The following DCC variants were observed in gnomAD, a reference collection of about 807,000 sequenced individuals.
DCC encodes the protein DCC netrin 1 receptor, also known as netrin receptor DCC.
DCC carries 58 observed loss-of-function variants against 172.5 expected under a neutral mutation model. That is an observed-to-expected ratio of 0.34 (90% CI 0.27 to 0.42). DCC has a LOEUF of 0.42. Ranked by LOEUF, DCC falls within the 10% of genes least tolerant of loss-of-function variation. The pLI is 1.00. For synonymous variants in DCC, 709 were observed against 644.5 expected (o/e 1.10, Z -1.52); for missense variants, 1,740 against 1,791.0 (o/e 0.97, Z 0.51).
At chr18:53,197,559 A>G (rs986415167) in intron 9 of DCC, among the ~76,000 whole-genome samples, 2 of 151,418 alleles carry the variant, frequency 1.3e-5, no homozygotes, top group Admixed American at 6.6e-5. Context: ...ACTAACATTT[A>G]TCTTCATTTT....
At chr18:52,977,840 A>G (rs1016607730) in intron 5 of DCC, among the ~76,000 whole-genome samples, 4 of 151,430 alleles carry the variant, frequency 2.6e-5, no homozygotes, top group African/African-American at 9.7e-5. Flanking sequence ...AGCCAAGATC[A>G]CACCACTGCA....
chr18:53,242,236 G>A (rs2056306023), intron 12 of DCC, among the ~76,000 whole-genome samples: 1 of 152,132 alleles, frequency 6.6e-6, no homozygotes, highest in Non-Finnish European at 1.5e-5. Context: ...GATTTAGAAA[G>A]TAAAGGAGAG....
chr18:53,261,517 G>A (rs1457226176), intron 12 of DCC, among the ~76,000 whole-genome samples: 1 of 152,068 alleles, frequency 6.6e-6, no homozygotes, highest in African/African-American at 2.4e-5. Flanking sequence ...AATCTGATAG[G>A]CTCACTGTTC....
intron 5 of DCC, among the ~76,000 whole-genome samples, chr18:53,046,221 C>A (rs963175930): frequency 2.6e-5 from 4 of 151,882 alleles, no homozygotes; most frequent in African/African-American, 7.2e-5. Flanking sequence ...GAAATACTGT[C>A]ATTTCTCAAT....
intron 15 of DCC, among the ~76,000 whole-genome samples, chr18:53,370,345 A>C (rs1230338786): frequency 6.6e-6 from 1 of 151,660 alleles, no homozygotes; most frequent in Non-Finnish European, 1.5e-5. Context: ...TATTTTTCTT[A>C]GTTCATCAAG....
At chr18:53,264,690 G>T (rs537704776) in intron 12 of DCC, among the ~76,000 whole-genome samples, 40 of 152,042 alleles carry the variant, frequency 2.6e-4, no homozygotes, top group Admixed American at 7.2e-4. Context: ...CAGACCTGCT[G>T]CTCAGCGTTT....
At chr18:53,106,024 G>C (rs907754073) in intron 7 of DCC, among the ~76,000 whole-genome samples, 1 of 151,408 alleles carries the variant, frequency 6.6e-6, no homozygotes, top group Non-Finnish European at 1.5e-5. Flanking sequence ...GGCTTTACTC[G>C]ATCTCTGTCA....
At position 53,207,753 on chromosome 18, in the gene DCC, A is replaced by T; in HGVS notation, c.1797A>T (p.Leu599Phe). Residue 599 changes from leucine (L) to phenylalanine (F), a missense_variant, in exon 11 of 29, where the codon TTA (leucine) becomes TTT (phenylalanine). By Grantham distance (22) the Leu-to-Phe change is conservative. This residue lies in a region of DCC where 1,732 missense variants were observed against 1,767.4 expected (regional missense o/e 0.98). Transcript: ENST00000442544. The part of the protein sequence containing the change: ...KKFTEYSLRF[L>F]AYNRYGPGVS... Reference sequence around the variant, plus strand: ...TCACCGAATATAGTCTTCGATTCTTAGCTTATAATCGCTATGGTCCGGGCG... The same window carrying T: ...TCACCGAATATAGTCTTCGATTCTTTGCTTATAATCGCTATGGTCCGGGCG... 3.7e-6 allele frequency: 6 copies of T among 1,613,286 alleles called. No individual in the cohort carries two copies. The highest frequency in any genetic ancestry group is 4.2e-6 in the Non-Finnish European group (5 of 1,179,264).
chr18:52,777,183 A>ACT (rs1177039343), intron 2 of DCC, among the ~76,000 whole-genome samples: 1 of 152,150 alleles, frequency 6.6e-6, no homozygotes, highest in Non-Finnish European at 1.5e-5. Flanking sequence ...CCTGTCCTTA[A>ACT]CTAGTGTATG....
chr18:53,298,458 G>C (rs1044833911), intron 12 of DCC, among the ~76,000 whole-genome samples: 3 of 146,424 alleles, frequency 2.0e-5, no homozygotes, highest in African/African-American at 7.7e-5. Context: ...AACCTGAGAG[G>C]TGTAGGCTGC....
chr18:52,763,614 T>G (rs1394975706), intron 2 of DCC, among the ~76,000 whole-genome samples: 1 of 152,254 alleles, frequency 6.6e-6, no homozygotes, highest in Non-Finnish European at 1.5e-5. Context: ...TTTATTTGTT[T>G]TTATTGGGAA....
At chr18:53,390,094 T>C (rs1568100865) in intron 16 of DCC, among the ~76,000 whole-genome samples, 2 of 152,194 alleles carry the variant, frequency 1.3e-5, no homozygotes, top group Admixed American at 1.3e-4. Context: ...CGATGAATGA[T>C]TGGAATCCTT....
chr18:52,736,569 A>G (rs2036733508), intron 1 of DCC, among the ~76,000 whole-genome samples: 1 of 152,192 alleles, frequency 6.6e-6, no homozygotes, highest in Non-Finnish European at 1.5e-5. Flanking sequence ...AAGGGAAAGG[A>G]AGAACATTTC....
At chr18:53,079,363 C>A (rs1429408718) in intron 7 of DCC, among the ~76,000 whole-genome samples, 1 of 151,994 alleles carries the variant, frequency 6.6e-6, no homozygotes, top group African/African-American at 2.4e-5. Context: ...TATTTTAGAT[C>A]TTCTTTAATA....
At chr18:53,117,563 A>T (rs1457973817) in intron 7 of DCC, among the ~76,000 whole-genome samples, 1 of 151,750 alleles carries the variant, frequency 6.6e-6, no homozygotes, top group Non-Finnish European at 1.5e-5. Context: ...TGCTGCTTAT[A>T]TGCAGACAAC....
At chr18:52,845,718 A>G (rs751998133) in intron 2 of DCC, among the ~76,000 whole-genome samples, 2 of 152,246 alleles carry the variant, frequency 1.3e-5, no homozygotes, top group African/African-American at 4.8e-5. Flanking sequence ...AACTTCAGGC[A>G]AATTAAATTT....
At chr18:53,166,652 C>T (rs1242300066) in intron 8 of DCC, among the ~76,000 whole-genome samples, 1 of 152,134 alleles carries the variant, frequency 6.6e-6, no homozygotes, top group Non-Finnish European at 1.5e-5. Context: ...GATGTTGAAG[C>T]AGAGATTACA....
intron 15 of DCC, among the ~76,000 whole-genome samples, chr18:53,355,761 T>C (rs2057871045): frequency 6.6e-6 from 1 of 152,192 alleles, no homozygotes; most frequent in African/African-American, 2.4e-5. Context: ...ATACCCTTTA[T>C]TTCTTTCTCC....
rs1295197462 is a variant in DCC, at chr18:52,737,892, T to A, written c.92-14162T>A. Among the ~76,000 whole-genome samples the A allele has an allele frequency of 2.0e-5, 3 of 152,170 alleles. No individual in the cohort carries two copies. The East Asian group carries it at 5.8e-4, about 29-fold the overall frequency. The stretch of plus-strand genomic sequence containing the variant: ...GTGTTGAGGAGAGCTTAACATAAGA[T>A]GGCAGCTCGGAGCTTTGATGCCCCT... On this transcript the variant is annotated intron_variant, in intron 1 of 28. Coordinates refer to ENST00000442544, the MANE Select transcript of DCC (RefSeq NM_005215.4).
Sources: gnomAD v4.1 joint callset for allele counts (sites outside exome capture counted in the v4.1 genomes callset) on GRCh38, gnomAD v4.1.1 for gene constraint, gnomAD v4.1.1 regional missense constraint, MANE v1.5 for transcripts, NCBI Gene and HGNC (gene_info 2026-07-23, HGNC 2026-07-21) for gene names.